STPG4: variants seen among roughly 807,000 people sequenced by gnomAD.
STPG4 encodes protein STPG4.
In STPG4, 41 loss-of-function variants were observed where a neutral mutation model predicts 31.5. The observed-to-expected ratio is 1.30, with a 90% CI of 1.01 to 1.69. The LOEUF (loss-of-function observed/expected upper bound fraction) is 1.69. Among genes scored for constraint, STPG4 ranks in the 40% most tolerant of loss-of-function variants. The pLI is 0.00. For synonymous variants in STPG4, 141 were observed against 103.0 expected (o/e 1.37, Z -2.24); for missense variants, 375 against 293.4 (o/e 1.28, Z -2.03).
In STPG4 at chr2:47,107,185, A is replaced by G. The variant is rs370361727; in HGVS notation, c.520-16811T>C. Among the ~76,000 whole-genome samples, 10 of 152,022 alleles carry G rather than the reference A, an allele frequency of 6.6e-5. No individual in the cohort carries two copies. The East Asian group carries it at 7.7e-4, about 12-fold the overall frequency. On this transcript the variant is annotated intron_variant, in intron 5 of 6. Coordinates refer to ENST00000445927, the MANE Select transcript of STPG4 (RefSeq NM_001163561.2). The stretch of plus-strand genomic sequence containing the variant: ...CTGGGCTCCCACTTTGGCGGCACTT[A>G]AGGAGCCCTTCAGCCCACCGCTGCA...
chr2:47,090,409 T>G (rs1339110507), intron 5 of STPG4, 35 bp from the exon 6 acceptor site: 1 of 1,314,196 alleles, frequency 7.6e-7, no homozygotes. Flanking sequence ...TCATTATTAT[T>G]GTACATTTGA....
At chr2:47,140,092 A>T (rs1259792761) in intron 3 of STPG4, among the ~76,000 whole-genome samples, 10 of 152,040 alleles carry the variant, frequency 6.6e-5, no homozygotes, top group African/African-American at 2.4e-4. Flanking sequence ...AGTCTTTTTC[A>T]TGAGTCTCTA....
chr2:47,120,519 A>G (rs1686246436), intron 5 of STPG4, among the ~76,000 whole-genome samples: 1 of 151,984 alleles, frequency 6.6e-6, no homozygotes, highest in Non-Finnish European at 1.5e-5. Flanking sequence ...GTGAGCTGAG[A>G]TCACGCCACT....
intron 3 of STPG4, among the ~76,000 whole-genome samples, chr2:47,137,864 T>C (rs1269442988): frequency 6.6e-6 from 1 of 152,198 alleles, no homozygotes; most frequent in Non-Finnish European, 1.5e-5. Flanking sequence ...GTTTTCTCTC[T>C]TTTTTCTTAG....
At chr2:47,131,018 T>C (rs1251801531) in intron 3 of STPG4, among the ~76,000 whole-genome samples, 1 of 152,018 alleles carries the variant, frequency 6.6e-6, no homozygotes, top group African/African-American at 2.4e-5. Context: ...CTCACTATGT[T>C]GCCCGGGCTG....
At chr2:47,133,180 T>A (rs186526500) in intron 3 of STPG4, among the ~76,000 whole-genome samples, 10 of 152,226 alleles carry the variant, frequency 6.6e-5, no homozygotes, top group East Asian at 5.8e-4. Context: ...GTTCTTTTTT[T>A]TTTTTGAGAC....
intron 5 of STPG4, chr2:47,129,096 G>A (rs1258671128): frequency 2.6e-5 from 4 of 152,266 alleles, no homozygotes; most frequent in African/African-American, 9.7e-5. Flanking sequence ...GGCCTGGTAT[G>A]GGGGCCTCAG....
At chr2:47,140,338 C>T (rs1558686619) in intron 3 of STPG4, among the ~76,000 whole-genome samples, 2 of 152,210 alleles carry the variant, frequency 1.3e-5, no homozygotes, top group African/African-American at 4.8e-5. Context: ...TTCCTCTCCT[C>T]TGCCAGCAGC....
intron 3 of STPG4, among the ~76,000 whole-genome samples, chr2:47,150,324 T>A (rs1686910363): frequency 6.6e-6 from 1 of 152,152 alleles, no homozygotes; most frequent in Non-Finnish European, 1.5e-5. Context: ...TCTGAGCACT[T>A]GATAAACTCT....
At chr2:47,094,389 T>C (rs1416836536) in intron 5 of STPG4, among the ~76,000 whole-genome samples, 1 of 152,194 alleles carries the variant, frequency 6.6e-6, no homozygotes, top group African/African-American at 2.4e-5. Flanking sequence ...TATCTATTCC[T>C]CAGCTCTGGT....
chr2:47,155,102 G>T (rs1013380603), intron 1 of STPG4, 69 bp downstream of exon 1: 4 of 1,442,330 alleles, frequency 2.8e-6, no homozygotes, highest in Non-Finnish European at 3.9e-6. Context: ...ATTAGAGAGC[G>T]GTGGGAAAAG....
At chr2:47,130,928 C>T (rs1160173373) in intron 3 of STPG4, among the ~76,000 whole-genome samples, 1 of 152,160 alleles carries the variant, frequency 6.6e-6, no homozygotes, top group Non-Finnish European at 1.5e-5. Context: ...GCTCCTCCCA[C>T]CTCCACATCC....
chr2:47,138,116 T>C (rs1171846857), intron 3 of STPG4, among the ~76,000 whole-genome samples: 1 of 152,186 alleles, frequency 6.6e-6, no homozygotes, highest in African/African-American at 2.4e-5. Context: ...TTCAATACTA[T>C]AAATTTCCCT....
intron 3 of STPG4, among the ~76,000 whole-genome samples, chr2:47,139,763 C>T (rs1455233836): frequency 6.6e-6 from 1 of 152,092 alleles, no homozygotes; most frequent in East Asian, 1.9e-4. Context: ...TTAACTCCGA[C>T]AATCTGTCTT....
chr2:47,140,183 C>T (rs1686674578), intron 3 of STPG4, among the ~76,000 whole-genome samples: 3 of 152,282 alleles, frequency 2.0e-5, no homozygotes, highest in Non-Finnish European at 4.4e-5. Flanking sequence ...TACCTCCTCA[C>T]CCTTAGGTGG....
At chr2:47,104,836 C>T (rs1319103328) in intron 5 of STPG4, among the ~76,000 whole-genome samples, 2 of 152,012 alleles carry the variant, frequency 1.3e-5, no homozygotes. Flanking sequence ...GCTTTGCCTA[C>T]AGCAGGTCAA....
chr2:47,101,200 T>C (rs1192215592), intron 5 of STPG4, among the ~76,000 whole-genome samples: 1 of 151,786 alleles, frequency 6.6e-6, no homozygotes, highest in Non-Finnish European at 1.5e-5. Context: ...GACACCGGAC[T>C]AAAAACATGG....
intron 3 of STPG4, among the ~76,000 whole-genome samples, chr2:47,146,898 G>T (rs906290949): frequency 2.7e-5 from 4 of 150,732 alleles, no homozygotes; most frequent in African/African-American, 9.8e-5. Context: ...GCACTTTGGG[G>T]GGATGAGGCA....
intron 5 of STPG4, among the ~76,000 whole-genome samples, chr2:47,100,163 G>A (rs193112365): frequency 1.3e-5 from 2 of 152,118 alleles, no homozygotes; most frequent in African/African-American, 4.8e-5. Context: ...CAGCCCTGGT[G>A]TGGGATCCAC....
Sources: allele counts gnomAD v4.1 joint callset (sites outside exome capture counted in the v4.1 genomes callset), GRCh38; gene constraint gnomAD v4.1.1; transcripts MANE v1.5; gene names NCBI Gene and HGNC (gene_info 2026-07-23, HGNC 2026-07-21).